The following ARL17A variants were observed in gnomAD, a reference collection of about 807,000 sequenced individuals.
ARL17A encodes ADP-ribosylation factor-like 17-like.
chr17:46,522,580 G>A (rs879578130), intron 3 of ARL17A, among the ~76,000 whole-genome samples: 9,692 of 50,418 alleles, frequency 0.19, no homozygotes, highest in Non-Finnish European at 0.27. Flanking sequence ...GAGCAGCTAG[G>A]ACTACAGGCA....
At chr17:46,526,543 A>G (rs1319398952), downstream of ARL17A, among the ~76,000 whole-genome samples, 1 of 104,484 alleles carries the variant, frequency 9.6e-6, no homozygotes, top group Non-Finnish European at 2.1e-5. Context: ...GATAAGGCTC[A>G]GGCCCCACAA....
intron 3 of ARL17A, among the ~76,000 whole-genome samples, chr17:46,543,833 A>G (rs1276382381): frequency 6.6e-6 from 1 of 150,636 alleles, no homozygotes; most frequent in East Asian, 1.9e-4. Context: ...CAGAAAAAGA[A>G]TACCAAAAAT....
the ARL17A span, among the ~76,000 whole-genome samples, chr17:46,502,679 A>G: frequency 2.6e-5 from 4 of 151,436 alleles, no homozygotes; most frequent in African/African-American, 9.8e-5. Context: ...AAAAGAGAAT[A>G]ATGTTTTAAA....
At chr17:46,545,382 G>A (rs2056137369) in intron 3 of ARL17A, among the ~76,000 whole-genome samples, 1 of 134,632 alleles carries the variant, frequency 7.4e-6, no homozygotes, top group Admixed American at 7.2e-5. Flanking sequence ...GCCCAGGGGG[G>A]TTGAGGCTGC....
downstream of ARL17A, among the ~76,000 whole-genome samples, chr17:46,516,309 A>G (rs1378899283): frequency 5.1e-5 from 4 of 79,024 alleles, 1 homozygote; most frequent in African/African-American, 1.6e-4. Flanking sequence ...TCTCAAAAAA[A>G]AAAATGATAG....
chr17:46,534,359 T>C (rs2054236673), intron 4 of ARL17A, among the ~76,000 whole-genome samples: 1 of 145,056 alleles, frequency 6.9e-6, no homozygotes, highest in African/African-American at 2.7e-5. Flanking sequence ...CCACAGTGTT[T>C]GTGTCCCTGG....
intron 3 of ARL17A, among the ~76,000 whole-genome samples, chr17:46,543,682 A>C (rs2055830499): frequency 6.6e-6 from 1 of 151,012 alleles, no homozygotes. Context: ...CACACACGGA[A>C]AGCTAATGTG....
Position 46,557,152 on chromosome 17 carries a change from G to A in ARL17A, c.*204C>T, listed in dbSNP as rs1241079711. On this transcript the variant is annotated 3_prime_UTR_variant, in exon 4 of 4. Coordinates refer to ENST00000336125, the MANE Select transcript of ARL17A (RefSeq NM_001113738.2). ...CGCCATCATTCAGGAATTTCCAAGG[G>A]TTTTAGGAGCTTTGTGTTAGGAACT... 3 of 557,568 alleles carry A rather than the reference G, an allele frequency of 5.4e-6. No individual in the cohort carries two copies. In the African/African-American group the frequency reaches 6.3e-5, roughly 12 times the overall value. The allele number at this position is 557,568 out of a possible 1,614,324, so 34.5% of individuals were successfully genotyped here.
chr17:46,545,383 T>G (rs1375179447), intron 3 of ARL17A, among the ~76,000 whole-genome samples: 1 of 131,378 alleles, frequency 7.6e-6, no homozygotes, highest in Non-Finnish European at 1.6e-5. Context: ...CCCAGGGGGG[T>G]TGAGGCTGCA....
In ARL17A at chr17:46,545,046, A is replaced by C. The variant is rs1428131457; in HGVS notation, c.260-6620T>G. On this transcript the variant is annotated intron_variant, in intron 3 of 4. Transcript: ENST00000329240. The stretch of plus-strand genomic sequence containing the variant: ...TAAGCATTTTTGGGAAAAATACTGC[A>C]TAGGTGATGTATCCTTCCTGCCTCG... Among the ~76,000 whole-genome samples, 3 of 138,640 alleles carry C rather than the reference A, an allele frequency of 2.2e-5. 1 individual carries two copies. The East Asian group carries it at 6.5e-4, about 30-fold the overall frequency. 91.0% of individuals were successfully genotyped at this position (138,640 alleles called of 152,430 possible).
In ARL17A at chr17:46,554,038, CTTTTA is replaced by C. The variant is rs2057101724; in HGVS notation, c.*3313_*3317del. On this transcript the variant is annotated 3_prime_UTR_variant, in exon 4 of 4. Transcript: ENST00000336125. ...TAAGTGGCAGGAAACAGTATTTTCTCTTTTATTTCTTTTTTTTTTCCCCTGGATCC... is the reference window on the plus strand; with the variant it reads ...TAAGTGGCAGGAAACAGTATTTTCTCTTTCTTTTTTTTTTCCCCTGGATCC... The C allele has an allele frequency of 1.0e-6, 1 of 994,792 alleles. No individual in the cohort carries two copies. Among genetic ancestry groups the C allele is most frequent in the African/African-American group, 1.8e-5 (1 of 55,518 alleles). 61.6% of individuals were successfully genotyped at this position (994,792 alleles called of 1,614,324 possible).
At chr17:46,533,324 G>T (rs1020073603) in intron 4 of ARL17A, among the ~76,000 whole-genome samples, 1 of 84,348 alleles carries the variant, frequency 1.2e-5, no homozygotes, top group African/African-American at 7.2e-5. Flanking sequence ...ATTTTATAAC[G>T]TTGTAGTTCA....
chr17:46,502,774 G>A, the ARL17A span, among the ~76,000 whole-genome samples: 3 of 151,336 alleles, frequency 2.0e-5, no homozygotes, highest in Non-Finnish European at 4.4e-5. Flanking sequence ...TCACCAGCAA[G>A]AACTGTGGCA....
At chr17:46,502,815 A>G in the ARL17A span, among the ~76,000 whole-genome samples, 2 of 151,110 alleles carry the variant, frequency 1.3e-5, no homozygotes, top group African/African-American at 4.9e-5. Context: ...TGTCTGTACC[A>G]CCCAGGGGCT....
intron 3 of ARL17A, among the ~76,000 whole-genome samples, chr17:46,569,336 T>C (rs2057644996): frequency 6.7e-6 from 1 of 149,754 alleles, no homozygotes; most frequent in African/African-American, 2.5e-5. Flanking sequence ...GATGTTATAA[T>C]AGCATGAAGA....
rs1442708655 is a variant in ARL17A, at chr17:46,542,775, A to C, written c.260-4349T>G. On this transcript the variant is annotated intron_variant, in intron 3 of 4. Coordinates refer to the ARL17A transcript ENST00000329240. ...GGGCCCTATTGTGAGTTTGTTACACAATTTACTGCAACTTCAATTGTGCCA... is the reference window on the plus strand; with the variant it reads ...GGGCCCTATTGTGAGTTTGTTACACCATTTACTGCAACTTCAATTGTGCCA... 4.6e-5 allele frequency among the ~76,000 whole-genome samples: 7 copies of C among 150,564 alleles called. No individual in the cohort carries two copies. In the East Asian group the frequency reaches 1.2e-3, roughly 25 times the overall value.
At chr17:46,516,502 A>T (rs1420501874), downstream of ARL17A, among the ~76,000 whole-genome samples, 1 of 144,142 alleles carries the variant, frequency 6.9e-6, no homozygotes, top group Non-Finnish European at 1.5e-5. Context: ...TAAATAGGAG[A>T]AAAATGGGAG....
At chr17:46,501,827 C>T in the ARL17A span, among the ~76,000 whole-genome samples, 4 of 151,252 alleles carry the variant, frequency 2.6e-5, no homozygotes, top group Non-Finnish European at 4.4e-5. Flanking sequence ...TATTCCATTT[C>T]TCATTGAATT....
At position 46,542,722 on chromosome 17, in the gene ARL17A, C is replaced by T. The variant is rs944100907; in HGVS notation, c.260-4296G>A. Among the ~76,000 whole-genome samples, 42 of 149,992 alleles carry T rather than the reference C, an allele frequency of 2.8e-4. 2 individuals are homozygous for T. Among genetic ancestry groups the T allele is most frequent in the African/African-American group, 9.9e-4 (39 of 39,490 alleles). On this transcript the variant is annotated intron_variant, in intron 3 of 4. Coordinates refer to the ARL17A transcript ENST00000329240. Reference sequence around the variant, plus strand: ...ATATATATATATTTATATATATGTACGTGTATATATGTATATGTATGCCTG... The same window carrying T: ...ATATATATATATTTATATATATGTATGTGTATATATGTATATGTATGCCTG...
Sources: allele counts gnomAD v4.1 joint callset (sites outside exome capture counted in the v4.1 genomes callset), GRCh38; gene constraint gnomAD v4.1.1; transcripts MANE v1.5; gene names NCBI Gene and HGNC (gene_info 2026-07-23, HGNC 2026-07-21).